Variants in CSTF2 observed in about 807,000 individuals in gnomAD.
CSTF2 encodes CF-1 64 kDa subunit.
In CSTF2, 8 loss-of-function variants were observed where a neutral mutation model predicts 45.4. That is an observed-to-expected ratio of 0.18 (90% CI 0.10 to 0.32). CSTF2 has a LOEUF of 0.32. CSTF2 is among the 10% of genes least tolerant of loss of function. The pLI is 1.00. For synonymous variants in CSTF2, 155 were observed against 158.9 expected, an observed-to-expected ratio of 0.98 and a Z score of 0.18; for missense variants, 253 against 477.1, an observed-to-expected ratio of 0.53 and a Z score of 4.38.
chrX:100,820,512 A>G (rs1156987943), intron 1 of CSTF2, 38 bp downstream of exon 1: 1 of 1,148,043 alleles, frequency 8.7e-7, no homozygotes, highest in Non-Finnish European at 1.2e-6. Flanking sequence ...TCGGGGAGGG[A>G]CTCCCCTCTG....
At chrX:100,822,682 A>G (rs2084925106) in intron 3 of CSTF2, 1 of 384,087 alleles carries the variant, frequency 2.6e-6, no homozygotes, top group South Asian at 2.8e-5. Context: ...AAACCGTTTC[A>G]AAACTGTTCT....
chrX:100,833,123 ATTC>A, intron 10 of CSTF2, 54 bp from the exon 11 acceptor site: 1 of 1,120,172 alleles, frequency 8.9e-7, no homozygotes, highest in Non-Finnish European at 1.2e-6. Flanking sequence ...ATTGTTCATC[ATTC>A]TTGCAGTACA....
chrX:100,821,059 AT>A (rs2084915634), intron 1 of CSTF2, among the ~76,000 whole-genome samples: 1 of 112,722 alleles, frequency 8.9e-6, no homozygotes, highest in African/African-American at 3.2e-5. Flanking sequence ...AATACGTGTG[AT>A]TATTTTAGAG....
At position 100,820,771 on chromosome X, in the gene CSTF2, C is replaced by T. The variant is rs758980248; in HGVS notation, c.58+297C>T. ...GAAGGCTCACGGTAACAGCTCCTCA[C>T]TGTCCCGTACTACTTCTCATCCTCT... On this transcript the variant is annotated intron_variant, in intron 1 of 13. Coordinates refer to ENST00000372972, the MANE Select transcript of CSTF2 (RefSeq NM_001325.3). The T allele has an allele frequency of 4.5e-4, 191 of 422,456 alleles. 2 individuals carry two copies. The highest frequency in any genetic ancestry group is 7.5e-4 in the Non-Finnish European group (169 of 225,131). The allele number at this position is 422,456 out of a possible 1,213,427, so 34.8% of individuals were successfully genotyped here.
intron 8 of CSTF2, among the ~76,000 whole-genome samples, chrX:100,830,252 C>G (rs937878299): frequency 1.8e-5 from 2 of 111,915 alleles, no homozygotes; most frequent in Non-Finnish European, 3.8e-5. Context: ...TCTCTTTCAT[C>G]ATGTAAAGTT....
intron 11 of CSTF2, 36 bp downstream of exon 11, chrX:100,833,508 A>G: frequency 8.8e-7 from 1 of 1,141,176 alleles, no homozygotes; most frequent in Non-Finnish European, 1.2e-6. Flanking sequence ...TCCAAGTGAA[A>G]TCTTGATCTA....
intron 8 of CSTF2, 77 bp downstream of exon 8, chrX:100,828,179 C>A: frequency 2.8e-6 from 2 of 707,692 alleles, no homozygotes; most frequent in Non-Finnish European, 4.2e-6. Flanking sequence ...AATATGGCAG[C>A]CACTAACCAC....
rs533764941 is a variant in CSTF2 at position 100,829,134 on chromosome X, C to G, written c.889+1032C>G. Among the ~76,000 whole-genome samples, 17 of 111,878 alleles carry G rather than the reference C, an allele frequency of 1.5e-4. No individual in the cohort carries two copies. In the South Asian group the frequency reaches 6.4e-3, roughly 42 times the overall value. On this transcript the variant is annotated intron_variant, in intron 8 of 13. Coordinates refer to ENST00000372972, the MANE Select transcript of CSTF2 (RefSeq NM_001325.3). ...GATGGGAAAGACTGCTTTGGACAAGCATAGAGAAGCTTAAGGTTTTTTCTT... is the reference window on the plus strand; with the variant it reads ...GATGGGAAAGACTGCTTTGGACAAGGATAGAGAAGCTTAAGGTTTTTTCTT...
At chrX:100,825,589 T>C (rs376030760) in intron 6 of CSTF2, among the ~76,000 whole-genome samples, 2 of 111,672 alleles carry the variant, frequency 1.8e-5, no homozygotes, top group South Asian at 7.5e-4. Flanking sequence ...CTGTAAATGA[T>C]CAGACAGTAA....
At chrX:100,831,364 C>T in intron 8 of CSTF2, 151 bp from the exon 9 acceptor site, 1 of 635,163 alleles carries the variant, frequency 1.6e-6, no homozygotes, top group Non-Finnish European at 2.5e-6. Flanking sequence ...CTACACCCTG[C>T]TTCTGTTCTT....
intron 3 of CSTF2, 113 bp from the exon 4 acceptor site, chrX:100,823,179 G>A: frequency 1.2e-6 from 1 of 848,712 alleles, no homozygotes; most frequent in Non-Finnish European, 1.6e-6. Context: ...CTCAGCTCTG[G>A]AGAATCTAAA....
In CSTF2 at chrX:100,823,952, G is replaced by T; in HGVS notation, c.511G>T (p.Ala171Ser). 1.7e-6 allele frequency: 2 copies of T among 1,211,799 alleles called. No homozygotes were observed. The highest frequency in any genetic ancestry group is 2.2e-6 in the Non-Finnish European group (2 of 895,330). The change falls in exon 5 of 14, where the codon GCT becomes TCT. Residue 171 changes from alanine to serine, a missense_variant. Around this residue, in one of 3 missense-constraint regions of CSTF2, gnomAD observed 45 missense variants for 147.5 expected, o/e 0.31. Coordinates refer to ENST00000372972, the MANE Select transcript of CSTF2 (RefSeq NM_001325.3). ...MLLQNPQLAY[A>S]LLQAQVVMRI... ...ACTTCAGAACCCTCAACTGGCTTATGCTTTGCTGCAAGCACAGGTAGTGAT... is the reference window on the plus strand; with the variant it reads ...ACTTCAGAACCCTCAACTGGCTTATTCTTTGCTGCAAGCACAGGTAGTGAT...
At chrX:100,822,494 T>C (rs921977142) in intron 3 of CSTF2, 74 bp downstream of exon 3, 15 of 1,042,753 alleles carry the variant, frequency 1.4e-5, no homozygotes, top group Admixed American at 2.4e-5. Flanking sequence ...ATTTCTGATA[T>C]GTTTTAGAAT....
At chrX:100,826,335 T>A (rs1480845221) in intron 6 of CSTF2, among the ~76,000 whole-genome samples, 2 of 99,602 alleles carry the variant, frequency 2.0e-5, no homozygotes, top group African/African-American at 7.7e-5. Context: ...GCCCCAATCA[T>A]GAAGTTAACA....
In CSTF2 at chrX:100,831,150, G is replaced by A. The variant is rs145167336; in HGVS notation, c.890-365G>A. Among the ~76,000 whole-genome samples, 417 of 111,232 alleles carry A rather than the reference G, an allele frequency of 3.7e-3. 2 individuals carry two copies. Among genetic ancestry groups the A allele is most frequent in the African/African-American group, 0.013 (393 of 30,536 alleles). Reference sequence around the variant, plus strand: ...GAATAGCAGTCTGTAAGGAGACAGCGGGTTCTTGCAGAGCCATGGCAGTGT... The same window carrying A: ...GAATAGCAGTCTGTAAGGAGACAGCAGGTTCTTGCAGAGCCATGGCAGTGT... On this transcript the variant is annotated intron_variant, in intron 8 of 13. Transcript: ENST00000372972.
intron 3 of CSTF2, 27 bp downstream of exon 3, chrX:100,822,447 G>A (rs183232924): frequency 1.7e-6 from 2 of 1,171,916 alleles, no homozygotes; most frequent in Non-Finnish European, 1.2e-6. Flanking sequence ...CTTGGATGCA[G>A]TATGAGTTAG....
At chrX:100,836,330 A>G (rs2085008312) in intron 11 of CSTF2, among the ~76,000 whole-genome samples, 2 of 112,534 alleles carry the variant, frequency 1.8e-5, no homozygotes, top group African/African-American at 6.5e-5. Context: ...ATTATTGTCT[A>G]TACCGTAATA....
At chrX:100,837,150 T>C (rs2085013504) in intron 11 of CSTF2, among the ~76,000 whole-genome samples, 189 bp from the exon 12 acceptor site, 1 of 112,378 alleles carries the variant, frequency 8.9e-6, no homozygotes, top group Admixed American at 9.5e-5. Flanking sequence ...ATGTCGAACT[T>C]GCTAGTTGAT....
rs760245472 is a variant in CSTF2 at position 100,832,552 on chromosome X, C to T, written c.1032-182C>T. On this transcript the variant is annotated intron_variant, in intron 9 of 13. Coordinates refer to ENST00000372972, the MANE Select transcript of CSTF2 (RefSeq NM_001325.3). Reference sequence around the variant, plus strand: ...TCCTCCCTAATTATGAACCAAATAACGAAATTCTAGAATACATGGATTTAT... The same window carrying T: ...TCCTCCCTAATTATGAACCAAATAATGAAATTCTAGAATACATGGATTTAT... Among the ~76,000 whole-genome samples, 7 of 112,179 alleles carry T rather than the reference C, an allele frequency of 6.2e-5. No individual in the cohort carries two copies. In the South Asian group the frequency reaches 2.3e-3, roughly 36 times the overall value.
Sources: gnomAD v4.1 joint callset for allele counts (sites outside exome capture counted in the v4.1 genomes callset) on GRCh38, gnomAD v4.1.1 for gene constraint, gnomAD v4.1.1 regional missense constraint, MANE v1.5 for transcripts, NCBI Gene and HGNC (gene_info 2026-07-23, HGNC 2026-07-21) for gene names.